The following ZDHHC15 variants were observed in gnomAD, a reference collection of about 807,000 sequenced individuals.
ZDHHC15 encodes the protein zDHHC palmitoyltransferase 15, also known as palmitoyltransferase ZDHHC15.
ZDHHC15 carries 19 observed loss-of-function variants against 31.7 expected under a neutral mutation model. That is an observed-to-expected ratio of 0.60 (90% CI 0.42 to 0.88). The LOEUF (loss-of-function observed/expected upper bound fraction) is 0.88. Ranked by LOEUF, ZDHHC15 falls within the 40% of genes least tolerant of loss-of-function variation. The probability of loss-of-function intolerance (pLI) is 0.00; values close to 1 mark genes in which losing one functional copy is unlikely to be tolerated. For synonymous variants in ZDHHC15, 103 were observed against 90.0 expected (o/e 1.14, Z -0.82); for missense variants, 209 against 251.2 (o/e 0.83, Z 1.14).
intron 3 of ZDHHC15, among the ~76,000 whole-genome samples, chrX:75,465,584 T>C (rs902471122): frequency 2.7e-5 from 3 of 111,572 alleles, no homozygotes; most frequent in Non-Finnish European, 3.8e-5. Context: ...CAGTATGGTA[T>C]GGGCAGAAGA....
intron 7 of ZDHHC15, among the ~76,000 whole-genome samples, chrX:75,426,650 T>A (rs1471530708): frequency 9.0e-6 from 1 of 111,453 alleles, no homozygotes; most frequent in East Asian, 2.8e-4. Context: ...ATTACTATTT[T>A]TTACATAAGG....
intron 4 of ZDHHC15, among the ~76,000 whole-genome samples, chrX:75,446,106 CA>C (rs1180977010): frequency 8.9e-6 from 1 of 111,984 alleles, no homozygotes; most frequent in Non-Finnish European, 1.9e-5. Context: ...CTAATTTATA[CA>C]GATAGAAATC....
intron 6 of ZDHHC15, 74 bp from the exon 7 acceptor site, chrX:75,429,272 G>A: frequency 1.8e-6 from 2 of 1,087,911 alleles, no homozygotes; most frequent in Non-Finnish European, 1.2e-6. Context: ...AGTGAACTAA[G>A]CAATGGAATA....
intron 10 of ZDHHC15, among the ~76,000 whole-genome samples, chrX:75,407,081 T>C (rs1037393909): frequency 1.8e-5 from 2 of 112,460 alleles, no homozygotes; most frequent in Non-Finnish European, 3.8e-5. Context: ...AGTGCCGAGA[T>C]TGCAGCCTCT....
chrX:75,476,409 T>A (rs911186750), intron 3 of ZDHHC15, among the ~76,000 whole-genome samples: 6 of 111,267 alleles, frequency 5.4e-5, no homozygotes, highest in African/African-American at 2.0e-4. Context: ...CTATTCAGAT[T>A]TTTTATTTCT....
chrX:75,388,600 T>TA (rs1410161358), intron 10 of ZDHHC15, among the ~76,000 whole-genome samples: 3 of 110,363 alleles, frequency 2.7e-5, no homozygotes, highest in African/African-American at 9.9e-5. Context: ...TCACTAAAAA[T>TA]AAAAAGCAAT....
chrX:75,510,289 T>C (rs1005823320), intron 1 of ZDHHC15, among the ~76,000 whole-genome samples: 7 of 111,238 alleles, frequency 6.3e-5, no homozygotes, highest in Non-Finnish European at 1.1e-4. Flanking sequence ...AGTTAGGTTT[T>C]AAAACCATTG....
intron 3 of ZDHHC15, among the ~76,000 whole-genome samples, chrX:75,468,041 ATTTTTT>A (rs142205044): frequency 1.2e-5 from 1 of 83,858 alleles, no homozygotes. Context: ...AACTGGCATA[ATTTTTT>A]TTTTTTTTTT....
chrX:75,439,828 G>A (rs977568152), intron 4 of ZDHHC15, among the ~76,000 whole-genome samples: 47 of 111,639 alleles, frequency 4.2e-4, no homozygotes, highest in African/African-American at 1.5e-3. Flanking sequence ...CTCAAGGGCT[G>A]CTGTTCAGAT....
In ZDHHC15 at chrX:75,368,523, A is replaced by G. The variant is rs1183237051; in HGVS notation, c.*4455T>C. 1.8e-5 allele frequency: 2 copies of G among 111,807 alleles called. No homozygotes were observed. The highest frequency in any genetic ancestry group is 3.8e-4 in the South Asian group (1 of 2,663). 9.2% of individuals were successfully genotyped at this position (111,807 alleles called of 1,213,427 possible). ...CAAGACACATGGTTTTAAGAATACT[A>G]TATACAATCATTTTGAGCAGATTGG... On this transcript the variant is annotated 3_prime_UTR_variant, in exon 12 of 12. Coordinates refer to ENST00000373367, the MANE Select transcript of ZDHHC15 (RefSeq NM_144969.3).
At chrX:75,443,761 C>A (rs1479960016) in intron 4 of ZDHHC15, among the ~76,000 whole-genome samples, 14 of 111,734 alleles carry the variant, frequency 1.3e-4, no homozygotes, top group East Asian at 2.8e-4. Context: ...GAACTCAAAC[C>A]AATTTACAAG....
At chrX:75,454,177 C>T (rs2084175624) in intron 3 of ZDHHC15, among the ~76,000 whole-genome samples, 1 of 112,026 alleles carries the variant, frequency 8.9e-6, no homozygotes, top group Admixed American at 9.5e-5. Flanking sequence ...AGCTGATAAG[C>T]AACTTCAGCA....
intron 10 of ZDHHC15, among the ~76,000 whole-genome samples, chrX:75,382,679 C>T (rs970494713): frequency 4.5e-5 from 5 of 111,878 alleles, no homozygotes; most frequent in Non-Finnish European, 9.4e-5. Context: ...AATCAATTTG[C>T]ATGTTTACAG....
At chrX:75,419,117 A>G (rs998228929) in intron 9 of ZDHHC15, among the ~76,000 whole-genome samples, 2 of 111,778 alleles carry the variant, frequency 1.8e-5, no homozygotes, top group African/African-American at 6.5e-5. Context: ...ACAAGAGAAA[A>G]ACAAACAACC....
intron 10 of ZDHHC15, among the ~76,000 whole-genome samples, chrX:75,407,135 C>T (rs375293503): frequency 2.1e-4 from 23 of 111,639 alleles, no homozygotes; most frequent in East Asian, 8.5e-4. Flanking sequence ...CGTCTCTGCC[C>T]GGCTGCCCAT....
At chrX:75,419,787 A>T (rs1468331317) in intron 9 of ZDHHC15, among the ~76,000 whole-genome samples, 1 of 108,880 alleles carries the variant, frequency 9.2e-6, no homozygotes, top group South Asian at 4.2e-4. Flanking sequence ...TGATGAGTTC[A>T]TGTCCTTTGT....
intron 2 of ZDHHC15, among the ~76,000 whole-genome samples, chrX:75,479,328 G>A (rs1031622192): frequency 6.3e-5 from 7 of 111,697 alleles, no homozygotes; most frequent in African/African-American, 2.3e-4. Flanking sequence ...AATTTACACA[G>A]CACTTTAGAG....
intron 2 of ZDHHC15, among the ~76,000 whole-genome samples, chrX:75,485,801 C>A (rs1212089339): frequency 8.9e-6 from 1 of 112,581 alleles, no homozygotes; most frequent in Non-Finnish European, 1.9e-5. Flanking sequence ...TGACTACTAA[C>A]AACTTACGCT....
chrX:75,421,259 AT>A (rs1281066161), intron 9 of ZDHHC15, among the ~76,000 whole-genome samples: 1 of 96,242 alleles, frequency 1.0e-5, no homozygotes. Flanking sequence ...ATATATACTT[AT>A]GTTTTTAATC....
Sources: gnomAD v4.1 joint callset for allele counts (sites outside exome capture counted in the v4.1 genomes callset) on GRCh38, gnomAD v4.1.1 for gene constraint, MANE v1.5 for transcripts, NCBI Gene and HGNC (gene_info 2026-07-23, HGNC 2026-07-21) for gene names.